Variants in GPC6 observed in about 807,000 individuals in gnomAD.
GPC6 encodes the protein glypican 6, also known as glypican-6.
GPC6 carries 14 observed loss-of-function variants against 55.2 expected under a neutral mutation model. That is an observed-to-expected ratio of 0.25 (90% CI 0.17 to 0.40). The LOEUF is 0.40. Ranked by LOEUF, GPC6 falls within the 10% of genes least tolerant of loss-of-function variation. The pLI is 1.00. For synonymous variants in GPC6, 278 were observed against 259.6 expected (o/e 1.07, Z -0.68); for missense variants, 641 against 708.5 (o/e 0.90, Z 1.08).
intron 1 of GPC6, among the ~76,000 whole-genome samples, chr13:93,476,300 G>A (rs1181283123): frequency 2.6e-5 from 4 of 151,270 alleles, no homozygotes; most frequent in South Asian, 2.1e-4. Context: ...GTGTGCGTGC[G>A]TGTGTGTGTG....
At chr13:93,279,880 A>G (rs573150519) in intron 1 of GPC6, among the ~76,000 whole-genome samples, 1 of 152,348 alleles carries the variant, frequency 6.6e-6, no homozygotes, top group East Asian at 1.9e-4. Flanking sequence ...GTTCTGTCAT[A>G]GTATCTTAAA....
chr13:94,164,683 A>G (rs946981279), intron 4 of GPC6, among the ~76,000 whole-genome samples: 1 of 152,196 alleles, frequency 6.6e-6, no homozygotes, highest in East Asian at 1.9e-4. Context: ...TTCTACAGTG[A>G]TAGAGCGGAT....
intron 1 of GPC6, among the ~76,000 whole-genome samples, chr13:93,322,686 C>T (rs1879499376): frequency 6.6e-6 from 1 of 151,944 alleles, no homozygotes. Flanking sequence ...GTGATCCGCC[C>T]GCCTCAGCCT....
At chr13:93,440,485 G>A (rs1877746614) in intron 1 of GPC6, among the ~76,000 whole-genome samples, 9 of 152,158 alleles carry the variant, frequency 5.9e-5, no homozygotes, top group Admixed American at 5.9e-4. Flanking sequence ...TTGGAAAGTA[G>A]AAACCATTTA....
At chr13:93,936,602 T>C (rs1301203468) in intron 3 of GPC6, among the ~76,000 whole-genome samples, 1 of 152,124 alleles carries the variant, frequency 6.6e-6, no homozygotes, top group Non-Finnish European at 1.5e-5. Flanking sequence ...ATGCACCTAC[T>C]CAAATATTGG....
At chr13:94,293,884 A>C (rs575962436) in intron 5 of GPC6, among the ~76,000 whole-genome samples, 1 of 152,312 alleles carries the variant, frequency 6.6e-6, no homozygotes, top group South Asian at 2.1e-4. Flanking sequence ...GCCTTTGAGG[A>C]GCCAGCCATT....
chr13:93,694,658 C>T (rs575252239), intron 2 of GPC6, among the ~76,000 whole-genome samples: 16 of 152,086 alleles, frequency 1.1e-4, no homozygotes, highest in South Asian at 2.1e-4. Flanking sequence ...ATGCAGGCTT[C>T]GGAAGAATAA....
intron 4 of GPC6, among the ~76,000 whole-genome samples, chr13:94,219,371 G>A (rs1594069800): frequency 1.3e-5 from 2 of 152,258 alleles, no homozygotes; most frequent in African/African-American, 4.8e-5. Flanking sequence ...GGGTAGTAGG[G>A]ACAGTTACAA....
intron 2 of GPC6, among the ~76,000 whole-genome samples, chr13:93,735,683 C>CCTGGTCAAT (rs1327490573): frequency 6.6e-6 from 1 of 152,164 alleles, no homozygotes; most frequent in Non-Finnish European, 1.5e-5. Flanking sequence ...GAAGTTAATG[C>CCTGGTCAAT]CTGGTCAATT....
At chr13:94,308,509 G>C (rs891529042) in intron 6 of GPC6, among the ~76,000 whole-genome samples, 1 of 152,154 alleles carries the variant, frequency 6.6e-6, no homozygotes, top group Non-Finnish European at 1.5e-5. Flanking sequence ...ATTGGTAATG[G>C]TTAAACGTAT....
chr13:93,607,621 G>A (rs1013187073), intron 2 of GPC6, among the ~76,000 whole-genome samples: 4 of 152,206 alleles, frequency 2.6e-5, no homozygotes, highest in Non-Finnish European at 5.9e-5. Context: ...AATGATGGTG[G>A]AGGTAAAAAG....
intron 4 of GPC6, among the ~76,000 whole-genome samples, chr13:94,030,839 G>A (rs576870197): frequency 6.6e-5 from 10 of 152,274 alleles, no homozygotes; most frequent in African/African-American, 2.4e-4. Context: ...AGTCAAACTG[G>A]GGGCACATCC....
At chr13:94,192,849 CA>C (rs1889441998) in intron 4 of GPC6, among the ~76,000 whole-genome samples, 1 of 152,144 alleles carries the variant, frequency 6.6e-6, no homozygotes, top group Non-Finnish European at 1.5e-5. Context: ...TTTGGTGGTA[CA>C]GGTCCCTGGT....
chr13:94,001,266 G>T (rs1362539836), intron 3 of GPC6, among the ~76,000 whole-genome samples: 1 of 151,926 alleles, frequency 6.6e-6, no homozygotes, highest in African/African-American at 2.4e-5. Flanking sequence ...TTATCAGACG[G>T]CATTTCACAC....
At chr13:93,918,390 G>A (rs1425163306) in intron 3 of GPC6, among the ~76,000 whole-genome samples, 1 of 152,064 alleles carries the variant, frequency 6.6e-6, no homozygotes, top group Non-Finnish European at 1.5e-5. Context: ...TTAGGGATGA[G>A]CAAAGAGGGC....
chr13:93,953,938 A>G (rs748751035), intron 3 of GPC6, among the ~76,000 whole-genome samples: 1 of 152,202 alleles, frequency 6.6e-6, no homozygotes, highest in Non-Finnish European at 1.5e-5. Context: ...TCACTGTTTT[A>G]AAGTGTACAA....
intron 2 of GPC6, among the ~76,000 whole-genome samples, chr13:93,555,752 A>G (rs1384504506): frequency 1.3e-5 from 2 of 152,218 alleles, no homozygotes; most frequent in African/African-American, 4.8e-5. Context: ...AATGTTTAAG[A>G]TGTCCATGAA....
intron 2 of GPC6, among the ~76,000 whole-genome samples, chr13:93,558,218 A>G (rs961334267): frequency 2.0e-5 from 3 of 152,364 alleles, no homozygotes; most frequent in Non-Finnish European, 4.4e-5. Context: ...AAAGCCTAGC[A>G]TAAGTCTAGC....
At chr13:94,396,327 G>T (rs1880896154) in intron 7 of GPC6, among the ~76,000 whole-genome samples, 1 of 152,152 alleles carries the variant, frequency 6.6e-6, no homozygotes, top group Non-Finnish European at 1.5e-5. Flanking sequence ...TGGGTGCATG[G>T]GGGTTCATTA....
Sources: allele counts gnomAD v4.1 joint callset (sites outside exome capture counted in the v4.1 genomes callset), GRCh38; gene constraint gnomAD v4.1.1; transcripts MANE v1.5; gene names NCBI Gene and HGNC (gene_info 2026-07-23, HGNC 2026-07-21).